The following KHDRBS2 variants were observed in gnomAD, a reference collection of about 807,000 sequenced individuals.
The protein encoded by KHDRBS2 is KH domain-containing, RNA-binding, signal transduction-associated protein 2.
A neutral mutation model predicts 44.3 loss-of-function variants in KHDRBS2; 26 were observed. The observed-to-expected ratio is 0.59, with a 90% CI of 0.43 to 0.81. The LOEUF (loss-of-function observed/expected upper bound fraction) is 0.81, where lower values mean the gene tolerates loss of function less well. KHDRBS2 is among the 40% of genes least tolerant of loss of function. KHDRBS2 has a pLI of 0.00. For synonymous variants in KHDRBS2, 194 were observed against 151.1 expected, an observed-to-expected ratio of 1.28 and a Z score of -2.08; for missense variants, 476 against 433.1, an observed-to-expected ratio of 1.10 and a Z score of -0.88.
intron 1 of KHDRBS2, among the ~76,000 whole-genome samples, chr6:62,184,173 T>C (rs1822951366): frequency 6.6e-6 from 1 of 151,714 alleles, no homozygotes; most frequent in Non-Finnish European, 1.5e-5. Flanking sequence ...AGATTATGTA[T>C]ACTATATTAT....
At chr6:62,130,282 A>G (rs1361533223) in intron 2 of KHDRBS2, among the ~76,000 whole-genome samples, 3 of 152,200 alleles carry the variant, frequency 2.0e-5, no homozygotes, top group Non-Finnish European at 4.4e-5. Flanking sequence ...TTGGGGACCA[A>G]GTGATAGTTT....
intron 3 of KHDRBS2, among the ~76,000 whole-genome samples, chr6:62,032,303 G>A (rs768835596): frequency 8.6e-5 from 13 of 151,972 alleles, no homozygotes; most frequent in Non-Finnish European, 1.6e-4. Context: ...AGCTGCCAGC[G>A]CAGCTAGACT....
chr6:61,577,868 G>A, the KHDRBS2 span, among the ~76,000 whole-genome samples: 7 of 152,066 alleles, frequency 4.6e-5, no homozygotes, highest in African/African-American at 1.7e-4. Context: ...TTTAGTTACG[G>A]AATGAGAGCA....
At chr6:61,657,677 G>C in the KHDRBS2 span, among the ~76,000 whole-genome samples, 3 of 151,914 alleles carry the variant, frequency 2.0e-5, no homozygotes, top group African/African-American at 4.8e-5. Context: ...GGTGACTTCA[G>C]TGCTCCCTGT....
chr6:61,667,579 AAGG>A, the KHDRBS2 span, among the ~76,000 whole-genome samples: 1 of 151,340 alleles, frequency 6.6e-6, no homozygotes, highest in Non-Finnish European at 1.5e-5. Flanking sequence ...TTGCATCAGA[AAGG>A]TAAAGCCTGG....
At chr6:61,550,327 G>A in the KHDRBS2 span, among the ~76,000 whole-genome samples, 2 of 152,090 alleles carry the variant, frequency 1.3e-5, no homozygotes, top group Non-Finnish European at 2.9e-5. Flanking sequence ...GTTCACTTAG[G>A]ATACTATCGT....
chr6:62,087,579 C>T (rs1001639335), intron 2 of KHDRBS2, among the ~76,000 whole-genome samples: 3 of 151,996 alleles, frequency 2.0e-5, no homozygotes, highest in Middle Eastern at 3.2e-3. Context: ...AGATGGTTCC[C>T]TGAGAAGAAA....
At chr6:61,812,880 C>G (rs758194025) in intron 6 of KHDRBS2, among the ~76,000 whole-genome samples, 1 of 151,910 alleles carries the variant, frequency 6.6e-6, no homozygotes, top group Non-Finnish European at 1.5e-5. Flanking sequence ...ACCTTGGCCT[C>G]GGCGTATTTT....
chr6:61,804,870 A>G (rs1282190400), intron 6 of KHDRBS2, among the ~76,000 whole-genome samples: 1 of 152,188 alleles, frequency 6.6e-6, no homozygotes, highest in African/African-American at 2.4e-5. Flanking sequence ...TGTGATGGGA[A>G]GAACTGCCAC....
At chr6:61,634,720 A>G in the KHDRBS2 span, among the ~76,000 whole-genome samples, 1 of 152,094 alleles carries the variant, frequency 6.6e-6, no homozygotes, top group African/African-American at 2.4e-5. Flanking sequence ...AAATGGGCTC[A>G]GAGTTGATTT....
intron 1 of KHDRBS2, among the ~76,000 whole-genome samples, chr6:62,255,302 G>C (rs1585446349): frequency 6.6e-6 from 1 of 152,024 alleles, no homozygotes; most frequent in South Asian, 2.1e-4. Context: ...TTTGGAGTCA[G>C]AAGTCCACAT....
chr6:61,741,144 G>GT (rs988534137), intron 6 of KHDRBS2, among the ~76,000 whole-genome samples: 1 of 151,410 alleles, frequency 6.6e-6, no homozygotes. Flanking sequence ...AATGTTTTTT[G>GT]TTTTTTTGTT....
intron 8 of KHDRBS2, among the ~76,000 whole-genome samples, chr6:61,686,020 C>A (rs1230003160): frequency 6.6e-6 from 1 of 151,552 alleles, no homozygotes; most frequent in African/African-American, 2.4e-5. Flanking sequence ...TTTTAAAATG[C>A]CACCTAAGAG....
intron 6 of KHDRBS2, among the ~76,000 whole-genome samples, chr6:61,787,295 A>C (rs1783966422): frequency 6.6e-6 from 1 of 151,694 alleles, no homozygotes; most frequent in Admixed American, 6.6e-5. Flanking sequence ...TAGAAATAAA[A>C]TTAACTGCCA....
intron 6 of KHDRBS2, among the ~76,000 whole-genome samples, chr6:61,754,480 C>A (rs1357703803): frequency 6.6e-6 from 1 of 151,814 alleles, no homozygotes; most frequent in Admixed American, 6.6e-5. Flanking sequence ...GGTTACAAAC[C>A]TGGACAACAA....
At chr6:61,804,117 C>T (rs1276541850) in intron 6 of KHDRBS2, among the ~76,000 whole-genome samples, 1 of 152,068 alleles carries the variant, frequency 6.6e-6, no homozygotes, top group East Asian at 1.9e-4. Flanking sequence ...AAGGCAAGTC[C>T]CTGCCACCTA....
At chr6:62,104,733 A>G (rs1802741942) in intron 2 of KHDRBS2, among the ~76,000 whole-genome samples, 1 of 152,144 alleles carries the variant, frequency 6.6e-6, no homozygotes, top group African/African-American at 2.4e-5. Context: ...CAAATTAAGA[A>G]GTTGAAAAAA....
At chr6:62,030,840 C>A (rs542468082) in intron 3 of KHDRBS2, among the ~76,000 whole-genome samples, 3 of 152,004 alleles carry the variant, frequency 2.0e-5, no homozygotes, top group African/African-American at 7.2e-5. Flanking sequence ...ATATATAAAT[C>A]GTCATAGTAG....
chr6:62,114,234 T>C (rs1422129017), intron 2 of KHDRBS2, among the ~76,000 whole-genome samples: 1 of 152,072 alleles, frequency 6.6e-6, no homozygotes, highest in Non-Finnish European at 1.5e-5. Flanking sequence ...TCAATTCCTA[T>C]CCTGTGGAAT....
Sources: gnomAD v4.1 joint callset for allele counts (sites outside exome capture counted in the v4.1 genomes callset) on GRCh38, gnomAD v4.1.1 for gene constraint, MANE v1.5 for transcripts, NCBI Gene and HGNC (gene_info 2026-07-23, HGNC 2026-07-21) for gene names.